TRERF1: variants seen among roughly 807,000 people sequenced by gnomAD.
TRERF1 encodes the protein transcriptional-regulating factor 1.
Under a neutral mutation model 122.9 loss-of-function variants are expected in TRERF1, and 27 were observed. The ratio of observed to expected loss-of-function variants is 0.22; its 90% CI spans 0.16 to 0.30. The LOEUF is 0.30. Among genes scored for constraint, TRERF1 ranks in the 10% least tolerant of loss-of-function variants. The probability of loss-of-function intolerance (pLI) is 1.00; values close to 1 mark genes in which losing one functional copy is unlikely to be tolerated. For missense variants in TRERF1, 1,248 were observed against 1,560.3 expected (o/e 0.80, Z 3.37); for synonymous variants, 636 against 641.7 (o/e 0.99, Z 0.13).
At chr6:42,335,945 T>G (rs1385369904) in intron 3 of TRERF1, among the ~76,000 whole-genome samples, 2 of 152,232 alleles carry the variant, frequency 1.3e-5, no homozygotes, top group Non-Finnish European at 2.9e-5. Flanking sequence ...TCCACAACGA[T>G]GGGGATATTT....
chr6:42,365,055 C>T (rs1207862304), intron 2 of TRERF1, among the ~76,000 whole-genome samples: 3 of 152,052 alleles, frequency 2.0e-5, no homozygotes, highest in African/African-American at 7.2e-5. Flanking sequence ...GTGGGCTCGC[C>T]GTGGAGTAAT....
chr6:42,307,752 C>T (rs1425498877), intron 3 of TRERF1, among the ~76,000 whole-genome samples: 1 of 152,170 alleles, frequency 6.6e-6, no homozygotes, highest in East Asian at 1.9e-4. Flanking sequence ...ATTCCAATTC[C>T]CTGATGGGCT....
At chr6:42,236,471 A>G in intron 15 of TRERF1, 60 bp from the exon 16 acceptor site, 1 of 1,528,438 alleles carries the variant, frequency 6.5e-7, no homozygotes, top group Non-Finnish European at 8.8e-7. Flanking sequence ...CTTAGTGATG[A>G]ACAGAACTCA....
chr6:42,252,957 G>C (rs920302744), intron 13 of TRERF1, among the ~76,000 whole-genome samples: 11 of 152,162 alleles, frequency 7.2e-5, no homozygotes, highest in African/African-American at 2.4e-4. Context: ...GGATTGAAAT[G>C]ATTCCAGAAA....
At chr6:42,342,781 A>G (rs1767532920) in intron 3 of TRERF1, among the ~76,000 whole-genome samples, 1 of 152,150 alleles carries the variant, frequency 6.6e-6, no homozygotes, top group African/African-American at 2.4e-5. Context: ...AGTTACTAAC[A>G]TGTCTCTCTC....
intron 2 of TRERF1, among the ~76,000 whole-genome samples, chr6:42,408,091 A>G (rs1487200494): frequency 6.6e-6 from 1 of 151,748 alleles, no homozygotes; most frequent in Non-Finnish European, 1.5e-5. Flanking sequence ...TTTCACCAAT[A>G]TAGTCTAAGT....
At chr6:42,363,952 G>C (rs1283075989) in intron 2 of TRERF1, among the ~76,000 whole-genome samples, 1 of 152,152 alleles carries the variant, frequency 6.6e-6, no homozygotes, top group Non-Finnish European at 1.5e-5. Flanking sequence ...AGCAGCCCAA[G>C]CTAACAAATA....
At chr6:42,287,452 A>G (rs936504058) in intron 4 of TRERF1, among the ~76,000 whole-genome samples, 1 of 152,138 alleles carries the variant, frequency 6.6e-6, no homozygotes, top group Non-Finnish European at 1.5e-5. Context: ...AAGGAGGAAG[A>G]GGCCCAAGTC....
intron 2 of TRERF1, among the ~76,000 whole-genome samples, chr6:42,394,569 T>A (rs1249178724): frequency 1.3e-5 from 2 of 152,098 alleles, no homozygotes; most frequent in Non-Finnish European, 2.9e-5. Context: ...GTGTCCAGGA[T>A]TGGGAATAAA....
chr6:42,357,612 A>G (rs1770849126), intron 3 of TRERF1, among the ~76,000 whole-genome samples: 1 of 152,216 alleles, frequency 6.6e-6, no homozygotes, highest in African/African-American at 2.4e-5. Context: ...GCATTAGGAT[A>G]GTCCTGCAGG....
chr6:42,390,825 A>G (rs1208687641), intron 2 of TRERF1, among the ~76,000 whole-genome samples: 1 of 152,198 alleles, frequency 6.6e-6, no homozygotes, highest in Non-Finnish European at 1.5e-5. Context: ...CAAGTGGCTT[A>G]CAGCTGGGGG....
At chr6:42,441,982 T>C (rs1044436399) in intron 2 of TRERF1, among the ~76,000 whole-genome samples, 2 of 152,116 alleles carry the variant, frequency 1.3e-5, no homozygotes, top group African/African-American at 4.8e-5. Context: ...TTGAATTCCA[T>C]ACTGCCTTCT....
At chr6:42,326,043 T>C (rs969725735) in intron 3 of TRERF1, among the ~76,000 whole-genome samples, 1 of 151,916 alleles carries the variant, frequency 6.6e-6, no homozygotes, top group Non-Finnish European at 1.5e-5. Context: ...GTGGCAAGGG[T>C]TGAAAAGCTT....
intron 2 of TRERF1, among the ~76,000 whole-genome samples, chr6:42,397,545 A>G (rs1778807115): frequency 6.6e-6 from 1 of 152,154 alleles, no homozygotes; most frequent in African/African-American, 2.4e-5. Context: ...AAAATGCCCA[A>G]TGCCTTTGCC....
chr6:42,227,637 A>G (rs1242729104), exon 18 of TRERF1: 1 of 152,348 alleles, frequency 6.6e-6, no homozygotes, highest in Non-Finnish European at 1.5e-5. Context: ...AGGACAGGAC[A>G]CACCTGTTCT....
At chr6:42,241,037 C>T (rs1199388373) in intron 15 of TRERF1, among the ~76,000 whole-genome samples, 7 of 152,022 alleles carry the variant, frequency 4.6e-5, no homozygotes, top group South Asian at 4.2e-4. Flanking sequence ...GGACTACAGG[C>T]GTGCACTACC....
upstream of TRERF1, chr6:42,452,105 C>G (rs1788658018): frequency 6.6e-6 from 1 of 151,974 alleles, no homozygotes; most frequent in South Asian, 2.1e-4. Flanking sequence ...CCATTACCCA[C>G]CCCTAGCAAC....
chr6:42,276,150 C>T lies in TRERF1; in HGVS notation c.-258-6302G>A, dbSNP rs1384261031. On this transcript the variant is annotated intron_variant, in intron 4 of 17. Transcript: ENST00000372922. This position sits in a 1 kb window ranked among gnomAD's most constrained non-coding sequence, Gnocchi z 4.3. ...GTCTCTCCACACCCCACCCCCTGGC[C>T]TGGGGCACCAGGAGACAAGGCCGCA... 6.6e-6 allele frequency among the ~76,000 whole-genome samples: 1 copy of T among 152,194 alleles called. No individual in the cohort carries two copies. The highest frequency in any genetic ancestry group is 1.9e-4 in the East Asian group (1 of 5,196).
chr6:42,259,244 G>A lies in TRERF1; in HGVS notation c.2269+95C>T. The A allele has an allele frequency of 7.0e-7, 1 of 1,425,114 alleles. No individual in the cohort carries two copies. Among genetic ancestry groups the A allele is most frequent in the Non-Finnish European group, 9.2e-7 (1 of 1,091,952 alleles). 88.3% of individuals were successfully genotyped at this position (1,425,114 alleles called of 1,614,324 possible). A position where few individuals can be genotyped will look rare whatever the true frequency, so the allele number is the denominator to read the frequency against. Reference sequence around the variant, plus strand: ...TACATACAGCCAATACTCCGCAAAAGTCTGTGGGATAAATGAGAAAGCTAA... The same window carrying A: ...TACATACAGCCAATACTCCGCAAAAATCTGTGGGATAAATGAGAAAGCTAA... On this transcript the variant is annotated intron_variant, in intron 9 of 17. Transcript: ENST00000372922. The surrounding 1 kb of genome is among the most constrained non-coding windows in gnomAD (Gnocchi z 4.9).
Sources: allele counts gnomAD v4.1 joint callset (sites outside exome capture counted in the v4.1 genomes callset), GRCh38; gene constraint gnomAD v4.1.1; non-coding constraint Gnocchi (gnomAD v3.1); transcripts MANE v1.5; gene names NCBI Gene and HGNC (gene_info 2026-07-23, HGNC 2026-07-21).